ADARB2: variants seen among roughly 807,000 people sequenced by gnomAD.
The protein encoded by ADARB2 is adenosine deaminase RNA specific B2 (inactive).
ADARB2 carries 25 observed loss-of-function variants against 62.2 expected under a neutral mutation model. That is an observed-to-expected ratio of 0.40 (90% confidence interval 0.29 to 0.56). The LOEUF is 0.56. Among genes scored for constraint, ADARB2 ranks in the 20% least tolerant of loss-of-function variants. ADARB2 has a pLI of 0.43. For missense variants in ADARB2, 1,071 were observed against 1,077.4 expected (o/e 0.99, Z 0.08); for synonymous variants, 572 against 500.8 (o/e 1.14, Z -1.90).
At chr10:1,608,704 AAAGG>A (rs1257968265) in intron 1 of ADARB2, among the ~76,000 whole-genome samples, 3 of 148,650 alleles carry the variant, frequency 2.0e-5, no homozygotes, top group Admixed American at 6.6e-5. Flanking sequence ...TAAGAAAGAA[AAAGG>A]AAGGAAGGAA....
chr10:1,380,650 G>A (rs1206642889), intron 1 of ADARB2, among the ~76,000 whole-genome samples: 1 of 152,178 alleles, frequency 6.6e-6, no homozygotes, highest in African/African-American at 2.4e-5. Context: ...CCTGTTAACA[G>A]CTGTTGTTTC....
chr10:1,726,592 C>T (rs1046039782), intron 1 of ADARB2, among the ~76,000 whole-genome samples: 2 of 152,148 alleles, frequency 1.3e-5, no homozygotes, highest in Non-Finnish European at 2.9e-5. Flanking sequence ...TCCTTGGTCA[C>T]GAACGAGGCC....
Position 1,205,351 on chromosome 10 carries a change from C to A in ADARB2, c.1683-5204G>T, listed in dbSNP as rs144542046. Among the ~76,000 whole-genome samples the A allele has an allele frequency of 5.9e-3, 619 of 104,150 alleles. 5 individuals carry two copies. The highest frequency in any genetic ancestry group is 0.012 in the Non-Finnish European group (535 of 43,208). The allele number at this position is 104,150 out of a possible 152,430, so 68.3% of individuals were successfully genotyped here. ...CACAGCAGGAGACAACTCACTGGAG[C>A]CCGTGGCACAGCCTGAGGGAGACAA... is the stretch of plus-strand genomic sequence containing the variant. On this transcript the variant is annotated intron_variant, in intron 7 of 9. Coordinates refer to ENST00000381312, the MANE Select transcript of ADARB2 (RefSeq NM_018702.4).
At chr10:1,687,467 G>A (rs926588631) in intron 1 of ADARB2, among the ~76,000 whole-genome samples, 3 of 151,726 alleles carry the variant, frequency 2.0e-5, no homozygotes, top group African/African-American at 7.3e-5. Context: ...GACTTGATTG[G>A]ATCTCAAAGC....
At chr10:1,538,922 C>T (rs548184309) in intron 1 of ADARB2, among the ~76,000 whole-genome samples, 2 of 152,358 alleles carry the variant, frequency 1.3e-5, no homozygotes, top group African/African-American at 4.8e-5. Context: ...CATCCACCCT[C>T]ACCGAGGCCT....
chr10:1,444,577 CTCTA>C (rs1830944679), intron 1 of ADARB2, among the ~76,000 whole-genome samples: 1 of 146,648 alleles, frequency 6.8e-6, no homozygotes, highest in Non-Finnish European at 1.5e-5. Context: ...CCACCCACCA[CTCTA>C]TCTATTCACC....
chr10:1,196,870 C>T lies in ADARB2; in HGVS notation c.1864+3096G>A, dbSNP rs566243410. ...TCCCACCTCAGCCTTCCAAAGTGCTCGGATTACAGGCATGAGCCACCACGC... is the reference window on the plus strand; with the variant it reads ...TCCCACCTCAGCCTTCCAAAGTGCTTGGATTACAGGCATGAGCCACCACGC... On this transcript the variant is annotated intron_variant, in intron 8 of 9. Transcript: ENST00000381312. 1.7e-3 allele frequency among the ~76,000 whole-genome samples: 265 copies of T among 152,190 alleles called. 2 individuals are homozygous for T. Among genetic ancestry groups the T allele is most frequent in the Non-Finnish European group, 2.5e-3 (167 of 68,004 alleles).
chr10:1,478,275 C>T lies in ADARB2; in HGVS notation c.101-99115G>A, dbSNP rs79274072. Among the ~76,000 whole-genome samples, 946 of 152,282 alleles carry T rather than the reference C, an allele frequency of 6.2e-3. 12 individuals are homozygous for T. The highest frequency in any genetic ancestry group is 0.02 in the African/African-American group (818 of 41,550). On this transcript the variant is annotated intron_variant, in intron 1 of 9. Coordinates refer to ENST00000381312, the MANE Select transcript of ADARB2 (RefSeq NM_018702.4). ...GATGTGATGGAAGCCCTGGGAACAGCGTCACGGACATCAGAGGGGGTGGGT... is the reference window on the plus strand; with the variant it reads ...GATGTGATGGAAGCCCTGGGAACAGTGTCACGGACATCAGAGGGGGTGGGT...
chr10:1,617,440 A>G (rs1432534570), intron 1 of ADARB2, among the ~76,000 whole-genome samples: 57 of 44,936 alleles, frequency 1.3e-3, no homozygotes, highest in Admixed American at 2.3e-3. Flanking sequence ...ATGGGAACTG[A>G]CCTCAGAGGG....
At chr10:1,438,037 C>T (rs1052234505) in intron 1 of ADARB2, among the ~76,000 whole-genome samples, 1 of 152,248 alleles carries the variant, frequency 6.6e-6, no homozygotes, top group Non-Finnish European at 1.5e-5. Context: ...CTCACTCCCT[C>T]CTCTCCTTTG....
intron 1 of ADARB2, among the ~76,000 whole-genome samples, chr10:1,428,798 TAC>T (rs2131888801): frequency 6.6e-6 from 1 of 151,488 alleles, no homozygotes; most frequent in Admixed American, 6.6e-5. Flanking sequence ...GTGATAAAAT[TAC>T]ACAGATTTAA....
chr10:1,627,073 C>G (rs1402246634), intron 1 of ADARB2, among the ~76,000 whole-genome samples: 1 of 152,124 alleles, frequency 6.6e-6, no homozygotes, highest in Non-Finnish European at 1.5e-5. Context: ...GACGCCTCTC[C>G]CTCCCCACAG....
At chr10:1,620,307 C>T (rs1219776565) in intron 1 of ADARB2, among the ~76,000 whole-genome samples, 2 of 152,068 alleles carry the variant, frequency 1.3e-5, no homozygotes, top group Non-Finnish European at 2.9e-5. Flanking sequence ...GAAACATTAT[C>T]ACCAATCTAC....
intron 7 of ADARB2, among the ~76,000 whole-genome samples, chr10:1,201,575 C>T (rs184748719): frequency 3.9e-4 from 58 of 149,204 alleles, no homozygotes; most frequent in African/African-American, 7.7e-4. Flanking sequence ...CGCCTGTCAC[C>T]GAGGACCTTC....
chr10:1,498,335 A>G (rs1331546565), intron 1 of ADARB2, among the ~76,000 whole-genome samples: 1 of 152,242 alleles, frequency 6.6e-6, no homozygotes, highest in East Asian at 1.9e-4. Flanking sequence ...AGATTACACC[A>G]TTGCACTCCA....
intron 3 of ADARB2, among the ~76,000 whole-genome samples, chr10:1,271,616 G>A (rs1009755759): frequency 1.3e-5 from 2 of 151,904 alleles, no homozygotes; most frequent in Admixed American, 6.6e-5. Context: ...GTGCACACAC[G>A]AATATGCACA....
intron 3 of ADARB2, among the ~76,000 whole-genome samples, chr10:1,276,642 C>T (rs1412023625): frequency 3.3e-5 from 5 of 152,258 alleles, no homozygotes. Context: ...CTTAGACTCC[C>T]AAACAATAAT....
intron 3 of ADARB2, among the ~76,000 whole-genome samples, chr10:1,340,001 T>G (rs889387179): frequency 2.6e-5 from 4 of 152,064 alleles, no homozygotes; most frequent in Non-Finnish European, 5.9e-5. Flanking sequence ...CACCTGTGAT[T>G]ATCAACTTTC....
chr10:1,242,904 AAACCTCAAAAAC>A (rs1830941450), intron 4 of ADARB2, among the ~76,000 whole-genome samples: 2 of 152,206 alleles, frequency 1.3e-5, no homozygotes. Context: ...AACAACAAAG[AAACCTCAAAAAC>A]AACCCCCAAC....
Sources: gnomAD v4.1 joint callset for allele counts (sites outside exome capture counted in the v4.1 genomes callset) on GRCh38, gnomAD v4.1.1 for gene constraint, MANE v1.5 for transcripts, NCBI Gene and HGNC (gene_info 2026-07-23, HGNC 2026-07-21) for gene names.